The following SLC9A7 variants were observed in gnomAD, a reference collection of about 807,000 sequenced individuals.
SLC9A7 encodes the protein solute carrier family 9 member A7.
Under a neutral mutation model 52.6 loss-of-function variants are expected in SLC9A7, and 19 were observed. That is an observed-to-expected ratio of 0.36 (90% CI 0.25 to 0.53). SLC9A7 has a LOEUF of 0.53. SLC9A7 is among the 20% of genes least tolerant of loss of function. The pLI is 0.91. For synonymous variants in SLC9A7, 226 were observed against 252.1 expected, an observed-to-expected ratio of 0.90 and a Z score of 0.98; for missense variants, 455 against 597.9, an observed-to-expected ratio of 0.76 and a Z score of 2.49.
Position 46,679,895 on chromosome X carries a change from A to T in SLC9A7, c.526-140T>A, listed in dbSNP as rs188928076. The T allele has an allele frequency of 3.7e-3, 1,622 of 438,028 alleles. 20 individuals are homozygous for T. The South Asian group carries it at 0.043, about 12-fold the overall frequency. 36.1% of individuals were successfully genotyped at this position (438,028 alleles called of 1,213,427 possible). ...CATAAATGTGAAAAATCATGGACTT[A>T]TCCCAGAGGAGAAGCTATGACTCCC... On this transcript the variant is annotated intron_variant, in intron 2 of 16. Transcript: ENST00000616978.
intron 7 of SLC9A7, among the ~76,000 whole-genome samples, chrX:46,660,731 G>A (rs1244701794): frequency 9.2e-6 from 1 of 108,836 alleles, no homozygotes; most frequent in Non-Finnish European, 1.9e-5. Flanking sequence ...ACAGGTGCTG[G>A]AGAGGATGCG....
chrX:46,657,318 T>C (rs1366827869), intron 7 of SLC9A7, among the ~76,000 whole-genome samples: 3 of 103,501 alleles, frequency 2.9e-5, no homozygotes, highest in African/African-American at 1.1e-4. Flanking sequence ...CATCAACTAA[T>C]GAGCAAAATA....
chrX:46,702,401 A>G (rs1944544493), intron 1 of SLC9A7, among the ~76,000 whole-genome samples: 1 of 111,866 alleles, frequency 8.9e-6, no homozygotes, highest in Non-Finnish European at 1.9e-5. Flanking sequence ...GGTAGTGAAC[A>G]TAGTACCCAA....
chrX:46,752,331 T>C (rs1328284748), intron 1 of SLC9A7, among the ~76,000 whole-genome samples: 1 of 111,779 alleles, frequency 8.9e-6, no homozygotes, highest in Non-Finnish European at 1.9e-5. Flanking sequence ...CCAGTCTACA[T>C]TCAAATATCC....
At chrX:46,745,427 C>T (rs753732699) in intron 1 of SLC9A7, among the ~76,000 whole-genome samples, 43 of 111,708 alleles carry the variant, frequency 3.8e-4, no homozygotes, top group Non-Finnish European at 6.8e-4. Context: ...ACAAAAACAC[C>T]CTGCAGCTAC....
chrX:46,690,616 A>G (rs778625859), intron 1 of SLC9A7, among the ~76,000 whole-genome samples: 34 of 111,998 alleles, frequency 3.0e-4, no homozygotes, highest in African/African-American at 8.1e-4. Flanking sequence ...ACTCTGATAG[A>G]TTAAATCTAA....
intron 1 of SLC9A7, among the ~76,000 whole-genome samples, chrX:46,739,944 T>C (rs1170173546): frequency 3.6e-5 from 4 of 111,744 alleles, no homozygotes; most frequent in Non-Finnish European, 7.5e-5. Context: ...GGCTCATTCA[T>C]AGCCCACTCT....
intron 12 of SLC9A7, among the ~76,000 whole-genome samples, chrX:46,638,780 A>T (rs886755716): frequency 8.9e-6 from 1 of 112,028 alleles, no homozygotes; most frequent in Non-Finnish European, 1.9e-5. Context: ...TTCTACCAAA[A>T]GTTTAAGAAA....
chrX:46,723,516 C>T (rs372326923), intron 1 of SLC9A7, among the ~76,000 whole-genome samples: 106 of 110,077 alleles, frequency 9.6e-4, no homozygotes, highest in African/African-American at 3.4e-3. Context: ...AGCCATGGAC[C>T]CTGTCAAGGA....
At chrX:46,609,438 C>T (rs1021059459) in intron 16 of SLC9A7, among the ~76,000 whole-genome samples, 4 of 112,658 alleles carry the variant, frequency 3.6e-5, no homozygotes, top group South Asian at 3.6e-4. Context: ...CGGTGGCTCA[C>T]GCCTGTAATC....
At chrX:46,610,353 A>G (rs1281352796) in intron 16 of SLC9A7, among the ~76,000 whole-genome samples, 1 of 112,541 alleles carries the variant, frequency 8.9e-6, no homozygotes, top group East Asian at 2.8e-4. Context: ...ATGACTGATG[A>G]ACATCTTAGA....
intron 14 of SLC9A7, among the ~76,000 whole-genome samples, chrX:46,622,348 G>C (rs1158635027): frequency 9.0e-6 from 1 of 111,686 alleles, no homozygotes; most frequent in Non-Finnish European, 1.9e-5. Flanking sequence ...TGACAACTCT[G>C]GGAAGATTCC....
At position 46,621,057 on chromosome X, in the gene SLC9A7, G is replaced by T. The variant is rs148600278; in HGVS notation, c.1743C>A (p.Asp581Glu). ...NNDSFQVLQG[D>E]GPDSARGNRT... is the part of the protein sequence containing the mutation. ...GGTTTCCTCTGGCAGAATCTGGGCC[G>T]TCCTAGGAACAAACAAGAGGGCACA... Residue 581 changes from aspartate (D) to glutamate (E), a missense_variant and splice_region_variant, in exon 15 of 17, where the codon GAC (aspartate) becomes GAA (glutamate). Transcript: ENST00000616978. 5.0e-6 allele frequency: 6 copies of T among 1,188,266 alleles called. No individual in the cohort carries two copies. Among genetic ancestry groups the T allele is most frequent in the Non-Finnish European group, 6.8e-6 (6 of 877,575 alleles).
chrX:46,690,180 T>C (rs1258076891), intron 1 of SLC9A7, among the ~76,000 whole-genome samples: 1 of 112,118 alleles, frequency 8.9e-6, no homozygotes, highest in Non-Finnish European at 1.9e-5. Flanking sequence ...TACCATTTTT[T>C]AACCACTGTC....
Position 46,630,955 on chromosome X carries a change from C to A in SLC9A7, c.1740+631G>T, listed in dbSNP as rs558356651. ...CCATGCTGGCAGGCAGCTCAGGCCA[C>A]ATGGAAAAGCCCTGCACAGACATTC... On this transcript the variant is annotated intron_variant, in intron 14 of 16. Transcript: ENST00000616978. Among the ~76,000 whole-genome samples the A allele has an allele frequency of 8.0e-5, 9 of 112,469 alleles. No homozygotes were observed. The South Asian group carries it at 3.3e-3, about 41-fold the overall frequency.
chrX:46,757,459 G>A (rs782589983), intron 1 of SLC9A7, among the ~76,000 whole-genome samples: 3 of 112,641 alleles, frequency 2.7e-5, no homozygotes. Context: ...ATGAGCCCCG[G>A]CTGTCAACAA....
At chrX:46,730,878 A>AACGGGG (rs1301991959) in intron 1 of SLC9A7, among the ~76,000 whole-genome samples, 11 of 105,619 alleles carry the variant, frequency 1.0e-4, no homozygotes, top group Non-Finnish European at 2.1e-4. Context: ...AGGAAGAATC[A>AACGGGG]ACATCATAAA....
intron 14 of SLC9A7, 59 bp from the exon 15 acceptor site, chrX:46,621,118 G>GA (rs750911752): frequency 5.8e-5 from 44 of 764,395 alleles, no homozygotes; most frequent in Admixed American, 1.2e-4. Flanking sequence ...AAAGAAAGGG[G>GA]AAAAAAAACC....
intron 14 of SLC9A7, among the ~76,000 whole-genome samples, chrX:46,624,721 A>G (rs888645869): frequency 3.6e-5 from 4 of 112,432 alleles, no homozygotes; most frequent in African/African-American, 1.3e-4. Context: ...TTTGGGGGAA[A>G]AAAACGCCTA....
Sources: allele counts gnomAD v4.1 joint callset (sites outside exome capture counted in the v4.1 genomes callset), GRCh38; gene constraint gnomAD v4.1.1; transcripts MANE v1.5; gene names NCBI Gene and HGNC (gene_info 2026-07-23, HGNC 2026-07-21).